ZFYVE16: variants seen among roughly 807,000 people sequenced by gnomAD.
ZFYVE16 encodes the protein zinc finger FYVE domain-containing protein 16.
A neutral mutation model predicts 138.1 loss-of-function variants in ZFYVE16; 89 were observed. The observed-to-expected ratio is 0.64, with a 90% CI of 0.54 to 0.77. ZFYVE16 has a LOEUF of 0.77. ZFYVE16 is among the 30% of genes least tolerant of loss of function. The probability of loss-of-function intolerance (pLI) is 0.00; values close to 1 mark genes in which losing one functional copy is unlikely to be tolerated. For synonymous variants in ZFYVE16, 596 were observed against 618.3 expected (o/e 0.96, Z 0.53); for missense variants, 1,793 against 1,786.7 (o/e 1.00, Z -0.06).
At chr5:80,440,215 C>G (rs1477816880) in intron 5 of ZFYVE16, 183 bp downstream of exon 5, 2 of 1,210,340 alleles carry the variant, frequency 1.7e-6, no homozygotes, top group African/African-American at 1.6e-5. Context: ...ACAATTAATA[C>G]TACCAATCTG....
At chr5:80,439,595 A>G (rs1052875681) in intron 4 of ZFYVE16, among the ~76,000 whole-genome samples, 1 of 152,100 alleles carries the variant, frequency 6.6e-6, no homozygotes, top group African/African-American at 2.4e-5. Context: ...TTTTAACAAA[A>G]TAACATTTTA....
chr5:80,427,968 T>A (rs1273073104), intron 2 of ZFYVE16, among the ~76,000 whole-genome samples: 1 of 8,094 alleles, frequency 1.2e-4, no homozygotes. Flanking sequence ...CGAGACTCCA[T>A]CTCAAAAAAA....
chr5:80,441,289 T>C (rs965501737), intron 5 of ZFYVE16: 3 of 985,306 alleles, frequency 3.0e-6, no homozygotes, highest in South Asian at 9.4e-5. Flanking sequence ...ATTTTGACTC[T>C]AAGGGTCCAG....
intron 1 of ZFYVE16, among the ~76,000 whole-genome samples, chr5:80,421,458 A>C (rs1260110795): frequency 6.6e-6 from 1 of 152,028 alleles, no homozygotes; most frequent in Non-Finnish European, 1.5e-5. Flanking sequence ...AGTCCATCTT[A>C]AATTAATTTT....
rs146350853 is a variant in ZFYVE16 at position 80,428,026 on chromosome 5, C to G, written c.-40+481C>G. On this transcript the variant is annotated intron_variant, in intron 2 of 18. Coordinates refer to ENST00000505560, the MANE Select transcript of ZFYVE16 (RefSeq NM_001284236.3). ...CGGTTCCAAGATGGCCGAATAGGAA[C>G]AGCTCCAGTCTACAGCTCCCAGCGT... Among the ~76,000 whole-genome samples the G allele has an allele frequency of 2.9e-3, 377 of 130,178 alleles. 10 individuals carry two copies. Among genetic ancestry groups the G allele is most frequent in the East Asian group, 0.025 (99 of 3,950 alleles). 85.4% of individuals were successfully genotyped at this position (130,178 alleles called of 152,430 possible). A position where few individuals can be genotyped will look rare whatever the true frequency, so the allele number is the denominator to read the frequency against.
At chr5:80,466,638 C>T (rs249025) in intron 15 of ZFYVE16, among the ~76,000 whole-genome samples, 118,108 of 152,096 alleles carry the variant, frequency 0.78, 49,027 homozygotes, top group East Asian at 0.92. Flanking sequence ...CCTTCATATA[C>T]AGGCCATATT....
chr5:80,451,059 G>T (rs1324451027), intron 10 of ZFYVE16, among the ~76,000 whole-genome samples: 1 of 152,116 alleles, frequency 6.6e-6, no homozygotes, highest in Non-Finnish European at 1.5e-5. Flanking sequence ...TGATCCGCCC[G>T]CCTCAGTCTC....
At chr5:80,413,494 A>C (rs2112146814) in intron 1 of ZFYVE16, among the ~76,000 whole-genome samples, 1 of 150,058 alleles carries the variant, frequency 6.7e-6, no homozygotes, top group African/African-American at 2.5e-5. Flanking sequence ...AAGAAAAAAA[A>C]AAGAGAAAAA....
chr5:80,410,555 A>T lies in ZFYVE16; in HGVS notation c.-94+2402A>T, dbSNP rs1463218636. ...ATTTTTATCTTCTTAAATATATTGTAAGGAAACGTGCTGTACTTTGTTTGT... is the reference window on the plus strand; with the variant it reads ...ATTTTTATCTTCTTAAATATATTGTTAGGAAACGTGCTGTACTTTGTTTGT... On this transcript the variant is annotated intron_variant, in intron 1 of 18. Transcript: ENST00000505560. 2.0e-5 allele frequency among the ~76,000 whole-genome samples: 3 copies of T among 152,256 alleles called. No homozygotes were observed. In the East Asian group the frequency reaches 5.8e-4, roughly 29 times the overall value.
intron 1 of ZFYVE16, chr5:80,411,695 C>G (rs1247668931): frequency 6.6e-6 from 1 of 152,178 alleles, no homozygotes; most frequent in African/African-American, 2.4e-5. Context: ...AAATCTTTAT[C>G]TATCTCAGAC....
intron 16 of ZFYVE16, among the ~76,000 whole-genome samples, 160 bp downstream of exon 16, chr5:80,473,083 G>A (rs1483036709): frequency 6.6e-6 from 1 of 152,060 alleles, no homozygotes; most frequent in Non-Finnish European, 1.5e-5. Context: ...TTTCAAACAT[G>A]TGCCTAACTA....
rs60480995 is a variant in ZFYVE16 at position 80,425,985 on chromosome 5, C to G, written c.-93-1507C>G. On this transcript the variant is annotated intron_variant, in intron 1 of 18. Coordinates refer to ENST00000505560, the MANE Select transcript of ZFYVE16 (RefSeq NM_001284236.3). ...CCTTTTGTACTTATTAACTGGAATT[C>G]TTATCTAAAGAACTTTTCATCAGTA... Among the ~76,000 whole-genome samples the G allele has an allele frequency of 9.2e-3, 1,396 of 152,130 alleles. 24 individuals carry two copies. Among genetic ancestry groups the G allele is most frequent in the African/African-American group, 0.033 (1,361 of 41,478 alleles).
At chr5:80,472,667 C>A in intron 15 of ZFYVE16, 94 bp from the exon 16 acceptor site, 1 of 1,219,948 alleles carries the variant, frequency 8.2e-7, no homozygotes, top group Non-Finnish European at 1.1e-6. Context: ...AAACTTGTAT[C>A]TTACACAGAA....
At chr5:80,440,952 T>A in intron 5 of ZFYVE16, 1 of 985,402 alleles carries the variant, frequency 1.0e-6, no homozygotes, top group Non-Finnish European at 1.2e-6. Flanking sequence ...TCTGTTAGCC[T>A]GAGGTAAGCT....
intron 1 of ZFYVE16, among the ~76,000 whole-genome samples, chr5:80,416,864 T>G (rs1029680180): frequency 6.6e-5 from 10 of 152,274 alleles, no homozygotes; most frequent in Admixed American, 6.5e-4. Flanking sequence ...GGGATGTTAC[T>G]GCTTCTAGGC....
intron 11 of ZFYVE16, chr5:80,455,395 G>A (rs1415462467): frequency 1.0e-5 from 3 of 286,846 alleles, no homozygotes; most frequent in African/African-American, 6.9e-5. Context: ...TTAGCCAGGT[G>A]TTGTGGCACA....
chr5:80,437,645 A>G lies in ZFYVE16; in HGVS notation c.960A>G (p.Arg320=). The G allele has an allele frequency of 6.2e-7, 1 of 1,611,910 alleles. No individual in the cohort carries two copies. Among genetic ancestry groups the G allele is most frequent in the East Asian group, 2.2e-5 (1 of 44,872 alleles). ...EDLCLNDSNS[R]DENFKLPDFS... ...TATGCTTAAATGATTCAAATTCAAG[A>G]GATGAAAATTTCAAATTACCTGACT... Residue 320 remains arginine, a synonymous_variant, in exon 4 of 19, where the codon AGA becomes AGG. Transcript: ENST00000505560.
At chr5:80,434,420 C>A (rs752245619) in intron 3 of ZFYVE16, among the ~76,000 whole-genome samples, 3 of 152,116 alleles carry the variant, frequency 2.0e-5, no homozygotes, top group African/African-American at 4.8e-5. Flanking sequence ...AAGTAAGGAA[C>A]CTAGAAAGTT....
Position 80,436,914 on chromosome 5 carries a change from G to T in ZFYVE16, c.229G>T (p.Glu77Ter). ...ATCAGAAACAAGCTATGGAACAAAT[G>T]AGAGTTCCCTGAATGAAAAAACACT... ...ASSETSYGTN[E>*]SSLNEKTLKG... The change falls in exon 4 of 19, where the codon GAG becomes TAG. Residue 77 changes from glutamate to a stop codon, truncating the protein, a stop_gained. Coordinates refer to ENST00000505560, the MANE Select transcript of ZFYVE16 (RefSeq NM_001284236.3). LOFTEE classifies it high-confidence loss of function. 6.2e-7 allele frequency: 1 copy of T among 1,614,100 alleles called. No individual in the cohort carries two copies. Among genetic ancestry groups the T allele is most frequent in the Non-Finnish European group, 8.5e-7 (1 of 1,180,006 alleles).
Sources: gnomAD v4.1 joint callset for allele counts (sites outside exome capture counted in the v4.1 genomes callset) on GRCh38, gnomAD v4.1.1 for gene constraint, MANE v1.5 for transcripts, NCBI Gene and HGNC (gene_info 2026-07-23, HGNC 2026-07-21) for gene names.